The following STS variants were observed in gnomAD, a reference collection of about 807,000 sequenced individuals.
STS encodes the protein steryl-sulfatase.
Under a neutral mutation model 26.8 loss-of-function variants are expected in STS, and 7 were observed. The observed-to-expected ratio is 0.26, with a 90% CI of 0.15 to 0.49. STS has a LOEUF of 0.49. STS is among the 20% of genes least tolerant of loss of function. The probability of loss-of-function intolerance (pLI) is 0.98; values close to 1 mark genes in which losing one functional copy is unlikely to be tolerated. For missense variants in STS, 434 were observed against 465.6 expected, an observed-to-expected ratio of 0.93 and a Z score of 0.63; for synonymous variants, 199 against 189.4, an observed-to-expected ratio of 1.05 and a Z score of -0.42.
chrX:7,326,049 G>C (rs1343984235), intron 9 of STS, among the ~76,000 whole-genome samples: 1 of 111,634 alleles, frequency 9.0e-6, no homozygotes, highest in African/African-American at 3.3e-5. Context: ...AGGGGTTTTG[G>C]TTCTTACGAC....
intron 8 of STS, among the ~76,000 whole-genome samples, chrX:7,318,279 G>A (rs1480258729): frequency 9.0e-6 from 1 of 111,126 alleles, no homozygotes; most frequent in African/African-American, 3.3e-5. Flanking sequence ...AGTGGTGCCC[G>A]GGAGAGCAGA....
At chrX:7,173,249 T>A (rs993382883) in intron 1 of STS, among the ~76,000 whole-genome samples, 36 of 111,748 alleles carry the variant, frequency 3.2e-4, no homozygotes, top group African/African-American at 1.1e-3. Context: ...CTCATCCATG[T>A]CCCTGCAAAG....
intron 2 of STS, among the ~76,000 whole-genome samples, chrX:7,250,901 A>G (rs1923108183): frequency 8.9e-6 from 1 of 112,426 alleles, no homozygotes; most frequent in South Asian, 3.7e-4. Flanking sequence ...ACAACATTTA[A>G]AGTGCAGACT....
At chrX:7,300,538 G>A (rs745402829) in intron 7 of STS, among the ~76,000 whole-genome samples, 13 of 111,848 alleles carry the variant, frequency 1.2e-4, no homozygotes, top group Non-Finnish European at 1.7e-4. Flanking sequence ...ATTAAATGTC[G>A]AATGGGCTCT....
At chrX:7,201,263 A>G (rs1296184923) in intron 2 of STS, among the ~76,000 whole-genome samples, 1 of 111,451 alleles carries the variant, frequency 9.0e-6, no homozygotes, top group Non-Finnish European at 1.9e-5. Context: ...ATGGATGGAT[A>G]GATAGATAGC....
At chrX:7,253,145 T>C (rs1399211686) in intron 2 of STS, 51 bp from the exon 3 acceptor site, 7 of 1,197,324 alleles carry the variant, frequency 5.8e-6, no homozygotes, top group East Asian at 3.0e-5. Context: ...AGCAAAACCT[T>C]GTCTCAAGCT....
Position 7,351,942 on chromosome X carries a change from A to G in STS, c.*1681A>G, listed in dbSNP as rs1221531143. On this transcript the variant is annotated 3_prime_UTR_variant, in exon 11 of 11. Coordinates refer to ENST00000674429, the MANE Select transcript of STS (RefSeq NM_001320752.2). ...TAATTTTGCTTCTCTTTCTAAAAAA[A>G]AAAAAAAAAAAGAAAGAGAAGAAAG... 9.1e-6 allele frequency: 1 copy of G among 109,821 alleles called. No individual in the cohort carries two copies. The highest frequency in any genetic ancestry group is 3.3e-5 in the African/African-American group (1 of 30,258). The allele number at this position is 109,821 out of a possible 1,213,427, so 9.1% of individuals were successfully genotyped here. A position where few individuals can be genotyped will look rare whatever the true frequency, so the allele number is the denominator to read the frequency against.
In STS at chrX:7,162,484, C is replaced by T. The variant is rs531045479; in HGVS notation, c.-134+14401C>T. ...ATGGAACAGAGATGGCTTAGGGTCC[C>T]GGGTTCCTCTTGGCGGTTCCAAGAC... On this transcript the variant is annotated intron_variant, in intron 1 of 10. Coordinates refer to ENST00000674429, the MANE Select transcript of STS (RefSeq NM_001320752.2). Among the ~76,000 whole-genome samples, 5 of 110,902 alleles carry T rather than the reference C, an allele frequency of 4.5e-5. No individual in the cohort carries two copies. The South Asian group carries it at 1.9e-3, about 43-fold the overall frequency.
chrX:7,349,883 C>T lies in STS; in HGVS notation c.1364-5C>T. Reference sequence around the variant, plus strand: ...TAATGCCGTTTCCATCCTTTTAAACCACAGGCACATCCATCTGGAAGGCCT... The same window carrying T: ...TAATGCCGTTTCCATCCTTTTAAACTACAGGCACATCCATCTGGAAGGCCT... On this transcript the variant is annotated splice_polypyrimidine_tract_variant and splice_region_variant and intron_variant, in intron 10 of 10. Coordinates refer to ENST00000674429, the MANE Select transcript of STS (RefSeq NM_001320752.2). 8.3e-7 allele frequency: 1 copy of T among 1,211,799 alleles called. No homozygotes were observed. The highest frequency in any genetic ancestry group is 1.1e-6 in the Non-Finnish European group (1 of 895,439).
In STS at chrX:7,173,762, T is replaced by A. The variant is rs962242153; in HGVS notation, c.-133-17118T>A. Among the ~76,000 whole-genome samples, 26 of 112,371 alleles carry A rather than the reference T, an allele frequency of 2.3e-4. 1 individual carries two copies. Among genetic ancestry groups the A allele is most frequent in the Non-Finnish European group, 4.3e-4 (23 of 53,326 alleles). Reference sequence around the variant, plus strand: ...TTCTTTTGACAAATGTGCATTCATGTCCCTTGCTTACTTTTTAATGGGGTT... The same window carrying A: ...TTCTTTTGACAAATGTGCATTCATGACCCTTGCTTACTTTTTAATGGGGTT... On this transcript the variant is annotated intron_variant, in intron 1 of 10. Coordinates refer to ENST00000674429, the MANE Select transcript of STS (RefSeq NM_001320752.2).
intron 2 of STS, among the ~76,000 whole-genome samples, chrX:7,216,140 C>T (rs779660579): frequency 2.7e-5 from 3 of 111,882 alleles, no homozygotes; most frequent in Non-Finnish European, 5.6e-5. Flanking sequence ...GGTTATCTGC[C>T]TTGCAACCTA....
intron 2 of STS, among the ~76,000 whole-genome samples, chrX:7,238,671 T>A (rs1368976106): frequency 1.8e-5 from 2 of 110,252 alleles, no homozygotes; most frequent in African/African-American, 3.3e-5. Context: ...TCTACAAAAA[T>A]TTTTTTAAAA....
At chrX:7,312,877 C>T (rs1318378130) in intron 8 of STS, among the ~76,000 whole-genome samples, 2 of 112,377 alleles carry the variant, frequency 1.8e-5, no homozygotes, top group Admixed American at 9.4e-5. Flanking sequence ...CCTTCTGTCT[C>T]CTTCTCTCCC....
rs779316140 is a variant in STS at position 7,304,905 on chromosome X, C to A, written c.944-141C>A. ...GCCACAGCCAGTCTTGATTGCATCACGTCTCATGCTGGGATAAACTCCAAT... is the reference window on the plus strand; with the variant it reads ...GCCACAGCCAGTCTTGATTGCATCAAGTCTCATGCTGGGATAAACTCCAAT... On this transcript the variant is annotated intron_variant, in intron 7 of 10. Coordinates refer to ENST00000674429, the MANE Select transcript of STS (RefSeq NM_001320752.2). 5 of 690,989 alleles carry A rather than the reference C, an allele frequency of 7.2e-6. No homozygotes were observed. The African/African-American group carries it at 1.1e-4, about 15-fold the overall frequency. 56.9% of individuals were successfully genotyped at this position (690,989 alleles called of 1,213,427 possible).
chrX:7,204,958 A>AC (rs1934173161), intron 2 of STS, among the ~76,000 whole-genome samples: 2 of 109,602 alleles, frequency 1.8e-5, no homozygotes, highest in Admixed American at 9.8e-5. Flanking sequence ...CCACTCTGAG[A>AC]CCATGGATAG....
intron 1 of STS, among the ~76,000 whole-genome samples, chrX:7,164,349 CG>C (rs1416739582): frequency 7.2e-5 from 8 of 111,807 alleles, no homozygotes; most frequent in African/African-American, 2.3e-4. Context: ...CTTGACCACC[CG>C]ATGGTGCTGT....
At chrX:7,231,539 T>G (rs1272014912) in intron 2 of STS, among the ~76,000 whole-genome samples, 1 of 110,964 alleles carries the variant, frequency 9.0e-6, no homozygotes, top group Non-Finnish European at 1.9e-5. Context: ...AGAAGGCAGG[T>G]AAGTTATAAG....
At position 7,270,437 on chromosome X, in the gene STS, G is replaced by A. The variant is rs1035399780; in HGVS notation, c.807-5514G>A. Among the ~76,000 whole-genome samples, 6 of 111,758 alleles carry A rather than the reference G, an allele frequency of 5.4e-5. No individual in the cohort carries two copies. The East Asian group carries it at 1.7e-3, about 32-fold the overall frequency. On this transcript the variant is annotated intron_variant, in intron 6 of 10. Transcript: ENST00000674429. Reference sequence around the variant, plus strand: ...TCAGTTACACCCCAGGTGTGTGCAGGAAAGCCAGTGATTTATGTCTGTCTA... The same window carrying A: ...TCAGTTACACCCCAGGTGTGTGCAGAAAAGCCAGTGATTTATGTCTGTCTA...
At chrX:7,263,360 C>T (rs754497493) in intron 6 of STS, among the ~76,000 whole-genome samples, 9 of 112,825 alleles carry the variant, frequency 8.0e-5, no homozygotes, top group South Asian at 3.6e-4. Flanking sequence ...TGAGCCACCA[C>T]GCCCGGCCAC....
Sources: allele counts gnomAD v4.1 joint callset (sites outside exome capture counted in the v4.1 genomes callset), GRCh38; gene constraint gnomAD v4.1.1; transcripts MANE v1.5; gene names NCBI Gene and HGNC (gene_info 2026-07-23, HGNC 2026-07-21).